The following MYO15B variants were observed in gnomAD, a reference collection of about 807,000 sequenced individuals.
The protein encoded by MYO15B is myosin XVB.
MYO15B carries 207 observed loss-of-function variants against 119.3 expected under a neutral mutation model. The observed-to-expected ratio is 1.73, with a 90% CI of 1.55 to 1.95. The LOEUF (loss-of-function observed/expected upper bound fraction) is 1.95. Among genes scored for constraint, MYO15B ranks in the 30% most tolerant of loss-of-function variants. The pLI is 0.00. For missense variants in MYO15B, 2,264 were observed against 1,203.1 expected (o/e 1.88, Z -13.04); for synonymous variants, 966 against 498.9 (o/e 1.94, Z -12.48).
chr17:75,615,618 C>T lies in MYO15B; in HGVS notation c.5838+18C>T. 1.5e-6 allele frequency: 1 copy of T among 683,624 alleles called. No individual in the cohort carries two copies. The highest frequency in any genetic ancestry group is 2.7e-6 in the Non-Finnish European group (1 of 374,912). 42.3% of individuals were successfully genotyped at this position (683,624 alleles called of 1,614,324 possible). On this transcript the variant is annotated intron_variant, in intron 35 of 63. Transcript: ENST00000645453. The stretch of plus-strand genomic sequence containing the variant: ...TAATCCTGGTGAGCGCTGGCAGGGC[C>T]CTGGGGCCACCTGGTGGAGGAGAGG...
At chr17:75,615,632 G>A (rs1292991054) in intron 35 of MYO15B, 32 bp downstream of exon 35, 1 of 673,978 alleles carries the variant, frequency 1.5e-6, no homozygotes, top group South Asian at 1.6e-5. Flanking sequence ...GGGCCACCTG[G>A]TGGAGGAGAG....
At position 75,625,228 on chromosome 17, in the gene MYO15B, AC is replaced by A. The variant is rs1371309379; in HGVS notation, c.8799del (p.Ser2934GlnfsTer6). ...GCACCTCAGCAAGGCCAACAGGAAT[AC>A]CCCCTCAGGGTGAGTGGAGGCACCT... On this transcript the variant is annotated frameshift_variant, in exon 60 of 64. Coordinates refer to ENST00000645453, the Ensembl canonical transcript of MYO15B. LOFTEE classifies it high-confidence loss of function. 1.0e-5 allele frequency: 7 copies of A among 700,744 alleles called. No homozygotes were observed. The South Asian group carries it at 1.0e-4, about 10-fold the overall frequency. 43.4% of individuals were successfully genotyped at this position (700,744 alleles called of 1,614,324 possible). A position where few individuals can be genotyped will look rare whatever the true frequency, so the allele number is the denominator to read the frequency against.
At chr17:75,620,086 C>T (rs1057434747) in intron 47 of MYO15B, 66 bp downstream of exon 47, 13 of 674,582 alleles carry the variant, frequency 1.9e-5, no homozygotes, top group East Asian at 2.7e-5. Flanking sequence ...TCTCCCTGTC[C>T]GTCTTCCCTG....
chr17:75,623,303 T>C (rs11867929), intron 53 of MYO15B, among the ~76,000 whole-genome samples: 5,823 of 151,686 alleles, frequency 0.038, 326 homozygotes, highest in African/African-American at 0.13. Flanking sequence ...CCAGCCTGGG[T>C]GACAGGGCAA....
chr17:75,625,892 T>C (rs1427953205), exon 62 of MYO15B: 1 of 702,848 alleles, frequency 1.4e-6, no homozygotes, highest in Non-Finnish European at 2.6e-6. Context: ...TATGGGGTGC[T>C]GCGAGTGAGC....
At chr17:75,624,722 G>A in intron 58 of MYO15B, 49 bp from the exon 59 acceptor site, 1 of 702,638 alleles carries the variant, frequency 1.4e-6, no homozygotes, top group East Asian at 2.7e-5. Flanking sequence ...GGGTGGCAGG[G>A]CCGGGTGTGT....
Position 75,589,120 on chromosome 17 carries a change from G to A in MYO15B, c.1063G>A (p.Ala355Thr). ...GCCCCCGCCAGGCGCCGCTTCCCAGGCCGTGGGCCCCCGCCGCGCTGGCCT... is the reference window on the plus strand; with the variant it reads ...GCCCCCGCCAGGCGCCGCTTCCCAGACCGTGGGCCCCCGCCGCGCTGGCCT... The change falls in exon 1 of 64, where the codon GCC (alanine) becomes ACC (threonine). Residue 355 changes from alanine (A) to threonine (T), a missense_variant. Ala to Thr is a moderately conservative substitution (Grantham distance 58, BLOSUM62 0). Transcript: ENST00000645453. This position sits in a 1 kb window ranked among gnomAD's most constrained non-coding sequence, Gnocchi z 4.2. 2.6e-6 allele frequency: 1 copy of A among 391,814 alleles called. No homozygotes were observed. Among genetic ancestry groups the A allele is most frequent in the Non-Finnish European group, 4.5e-6 (1 of 221,632 alleles). The allele number at this position is 391,814 out of a possible 1,614,324, so 24.3% of individuals were successfully genotyped here.
intron 47 of MYO15B, 92 bp from the exon 48 acceptor site, chr17:75,620,154 A>G: frequency 1.4e-6 from 1 of 693,522 alleles, no homozygotes; most frequent in Non-Finnish European, 2.6e-6. Context: ...TGCTAGGTGG[A>G]GGGGCAGGCC....
intron 21 of MYO15B, chr17:75,606,923 G>T (rs767148029): frequency 2.3e-5 from 9 of 397,976 alleles, no homozygotes; most frequent in Admixed American, 4.4e-5. Context: ...TCTCTTTTTC[G>T]CCCTCACAGC....
In MYO15B at chr17:75,614,508, A is replaced by G. The variant is rs1011878815; in HGVS notation, c.5382-75A>G. ...CCAACCATGGGGTGACCCCCGCAGC[A>G]GCTTCTACCTCTTGCCCCAGCCTGG... On this transcript the variant is annotated intron_variant, in intron 30 of 63. Transcript: ENST00000645453. The G allele has an allele frequency of 5.1e-6, 3 of 591,278 alleles. No homozygotes were observed. The African/African-American group carries it at 5.7e-5, about 11-fold the overall frequency. 36.6% of individuals were successfully genotyped at this position (591,278 alleles called of 1,614,324 possible).
chr17:75,596,507 C>A, exon 13 of MYO15B: 1 of 703,054 alleles, frequency 1.4e-6, no homozygotes, highest in Admixed American at 2.0e-5. Context: ...ACCTCGCCAG[C>A]GAGCGCCTAC....
At chr17:75,588,756 C>A (rs1568102586) in exon 1 of MYO15B, 1 of 398,780 alleles carries the variant, frequency 2.5e-6, no homozygotes, top group Admixed American at 4.4e-5. Context: ...TGGGAGCCAG[C>A]GAGCATTCCG....
At chr17:75,588,039 C>A (rs560648958) in exon 1 of MYO15B, 2 of 398,350 alleles carry the variant, frequency 5.0e-6, no homozygotes, top group African/African-American at 2.1e-5. Context: ...TCGGGAAGCC[C>A]GTCTCCTTTG....
At chr17:75,593,514 G>T (rs2056620923) in intron 9 of MYO15B, among the ~76,000 whole-genome samples, 2 of 151,882 alleles carry the variant, frequency 1.3e-5, no homozygotes, top group African/African-American at 4.8e-5. Flanking sequence ...AGAAGCTGAG[G>T]CAGGAGAATT....
intron 28 of MYO15B, 22 bp from the exon 29 acceptor site, chr17:75,613,683 C>G: frequency 1.4e-6 from 1 of 700,752 alleles, no homozygotes. Flanking sequence ...CACTCTTGCC[C>G]CCGCCCCCCA....
intron 21 of MYO15B, chr17:75,606,888 C>A: frequency 2.5e-6 from 1 of 398,350 alleles, no homozygotes; most frequent in South Asian, 1.3e-4. Flanking sequence ...CCTATAACAC[C>A]ACCCTCCCAC....
chr17:75,616,960 C>T (rs767177438), exon 40 of MYO15B: 57 of 702,798 alleles, frequency 8.1e-5, no homozygotes, highest in Non-Finnish European at 8.3e-5. Context: ...TCGTCCCCGC[C>T]GGTGAGCACC....
At chr17:75,603,343 C>G (rs1428488230) in intron 19 of MYO15B, 31 bp downstream of exon 19, 3 of 701,454 alleles carry the variant, frequency 4.3e-6, no homozygotes, top group Non-Finnish European at 7.8e-6. Context: ...GCAGGACTGA[C>G]AAGGAGGCCA....
intron 5 of MYO15B, 42 bp from the exon 6 acceptor site, chr17:75,591,935 C>T (rs1568113811): frequency 1.4e-6 from 1 of 695,440 alleles, no homozygotes; most frequent in Middle Eastern, 2.6e-4. Context: ...CTGGTGGGGG[C>T]TACTGCTGCC....
Sources: gnomAD v4.1 joint callset for allele counts (sites outside exome capture counted in the v4.1 genomes callset) on GRCh38, gnomAD v4.1.1 for gene constraint, Gnocchi (gnomAD v3.1) non-coding constraint, MANE v1.5 for transcripts, NCBI Gene and HGNC (gene_info 2026-07-23, HGNC 2026-07-21) for gene names.